ATP11C: variants seen among roughly 807,000 people sequenced by gnomAD.
ATP11C encodes phospholipid-transporting ATPase IG.
In ATP11C, 36 loss-of-function variants were observed where a neutral mutation model predicts 97.4. The observed-to-expected ratio is 0.37, with a 90% CI of 0.28 to 0.49. The LOEUF (loss-of-function observed/expected upper bound fraction) is 0.49, where lower values mean the gene tolerates loss of function less well. Among genes scored for constraint, ATP11C ranks in the 20% least tolerant of loss-of-function variants. ATP11C has a pLI of 0.98. For synonymous variants in ATP11C, 275 were observed against 290.9 expected, an observed-to-expected ratio of 0.95 and a Z score of 0.56; for missense variants, 730 against 824.6, an observed-to-expected ratio of 0.89 and a Z score of 1.40.
At chrX:139,831,384 A>C (rs2083646737) in intron 1 of ATP11C, among the ~76,000 whole-genome samples, 1 of 111,474 alleles carries the variant, frequency 9.0e-6, no homozygotes, top group African/African-American at 3.3e-5. Flanking sequence ...AATGGATATT[A>C]AGCCTCACAC....
chrX:139,853,833 CAAAAAAA>C (rs934664774), intron 1 of ATP11C, among the ~76,000 whole-genome samples: 8 of 21,267 alleles, frequency 3.8e-4, no homozygotes, highest in Admixed American at 7.7e-4. Flanking sequence ...TATCCTAAGT[CAAAAAAA>C]AAAAAAAAAA....
rs866359522 is a variant in ATP11C, at chrX:139,793,942, A to G, written c.1206+2331T>C. ...CCTAGCACACACACACATCCCAGAC[A>G]GTAAAAGGTGAATAACAGCTACTGG... On this transcript the variant is annotated intron_variant, in intron 12 of 29. Coordinates refer to ENST00000682941, the MANE Select transcript of ATP11C (RefSeq NM_001353812.2). Among the ~76,000 whole-genome samples, 4 of 112,047 alleles carry G rather than the reference A, an allele frequency of 3.6e-5. No homozygotes were observed. The Middle Eastern group carries it at 0.014, about 385-fold the overall frequency.
chrX:139,927,123 G>T (rs778048741), intron 1 of ATP11C, among the ~76,000 whole-genome samples: 1 of 112,000 alleles, frequency 8.9e-6, no homozygotes, highest in Non-Finnish European at 1.9e-5. Flanking sequence ...ATGCAATGCA[G>T]TTACCATGCC....
At chrX:139,747,172 G>T (rs1388600782) in intron 24 of ATP11C, among the ~76,000 whole-genome samples, 5 of 111,674 alleles carry the variant, frequency 4.5e-5, no homozygotes, top group African/African-American at 1.6e-4. Context: ...CACAGGTAAG[G>T]CACCTCCGTA....
chrX:139,930,553 G>C (rs754842910), intron 1 of ATP11C, among the ~76,000 whole-genome samples: 42 of 111,395 alleles, frequency 3.8e-4, no homozygotes, highest in African/African-American at 1.3e-3. Flanking sequence ...GAATCTATGT[G>C]AAACAGCTAT....
At chrX:139,797,888 A>G (rs908208913) in intron 10 of ATP11C, among the ~76,000 whole-genome samples, 3 of 111,725 alleles carry the variant, frequency 2.7e-5, no homozygotes, top group Non-Finnish European at 1.9e-5. Flanking sequence ...ACTATTATCT[A>G]TATTATAGAA....
chrX:139,926,118 C>T (rs2085347857), intron 1 of ATP11C, among the ~76,000 whole-genome samples: 1 of 110,477 alleles, frequency 9.1e-6, no homozygotes, highest in Admixed American at 9.8e-5. Flanking sequence ...TATACCAGGC[C>T]AAGAAGGTAA....
chrX:139,918,536 T>C (rs1330125602), intron 1 of ATP11C, among the ~76,000 whole-genome samples: 1 of 65,369 alleles, frequency 1.5e-5, no homozygotes, highest in Admixed American at 2.2e-4. Flanking sequence ...GCAGGAGAAT[T>C]GCTTGAACCC....
chrX:139,918,975 T>C (rs965483786), intron 1 of ATP11C, among the ~76,000 whole-genome samples: 1 of 112,053 alleles, frequency 8.9e-6, no homozygotes, highest in Non-Finnish European at 1.9e-5. Flanking sequence ...GTGCTGTGGC[T>C]CACACCTGTA....
At chrX:139,809,815 A>C (rs1420245742) in intron 5 of ATP11C, among the ~76,000 whole-genome samples, 1 of 110,394 alleles carries the variant, frequency 9.1e-6, no homozygotes, top group Non-Finnish European at 1.9e-5. Context: ...AATACAAAAA[A>C]ATTAGCCGGG....
chrX:139,764,957 C>T (rs1328204393), intron 20 of ATP11C, among the ~76,000 whole-genome samples: 1 of 111,956 alleles, frequency 8.9e-6, no homozygotes, highest in Non-Finnish European at 1.9e-5. Flanking sequence ...TAACTAAGTG[C>T]ACCTGTTATA....
At chrX:139,737,604 T>C in intron 28 of ATP11C, 1 of 176,962 alleles carries the variant, frequency 5.7e-6, no homozygotes, top group South Asian at 1.6e-4. Context: ...AAATTCCTGG[T>C]GTGAAAATTC....
intron 2 of ATP11C, among the ~76,000 whole-genome samples, chrX:139,822,043 T>C (rs1453764211): frequency 1.8e-5 from 2 of 111,272 alleles, no homozygotes; most frequent in Non-Finnish European, 3.8e-5. Context: ...GGTCAGTTGC[T>C]ACAAATCAAA....
chrX:139,729,270 C>G (rs180671388), intron 29 of ATP11C, among the ~76,000 whole-genome samples: 2 of 111,625 alleles, frequency 1.8e-5, no homozygotes, highest in Non-Finnish European at 3.8e-5. Context: ...TTGCTGTGAT[C>G]CCTTCTCCTC....
chrX:139,733,947 T>C (rs972801015), intron 28 of ATP11C, among the ~76,000 whole-genome samples: 5 of 111,364 alleles, frequency 4.5e-5, no homozygotes, highest in Non-Finnish European at 7.6e-5. Flanking sequence ...AAAAAATTGA[T>C]ATAGCTAGCA....
Position 139,775,529 on chromosome X carries a change from T to C in ATP11C, c.1953-576A>G, listed in dbSNP as rs867205431. 5.3e-5 allele frequency among the ~76,000 whole-genome samples: 6 copies of C among 112,346 alleles called. No homozygotes were observed. The Middle Eastern group carries it at 0.014, about 258-fold the overall frequency. Reference sequence around the variant, plus strand: ...ACTGTGGGAAGAGAGCCAGGACCTGTTGGAGAGCCCACAAGAGAAAGCTGG... The same window carrying C: ...ACTGTGGGAAGAGAGCCAGGACCTGCTGGAGAGCCCACAAGAGAAAGCTGG... On this transcript the variant is annotated intron_variant, in intron 18 of 29. Coordinates refer to ENST00000682941, the MANE Select transcript of ATP11C (RefSeq NM_001353812.2).
intron 21 of ATP11C, among the ~76,000 whole-genome samples, chrX:139,762,963 A>G (rs1338513551): frequency 8.9e-6 from 1 of 112,472 alleles, no homozygotes; most frequent in Non-Finnish European, 1.9e-5. Context: ...GTACAGCAAC[A>G]TAAGCAGGCA....
intron 1 of ATP11C, among the ~76,000 whole-genome samples, chrX:139,928,332 T>A (rs2085384490): frequency 9.0e-6 from 1 of 111,324 alleles, no homozygotes; most frequent in Admixed American, 9.6e-5. Context: ...AATACATACA[T>A]ACAGATATAT....
At chrX:139,811,009 T>G (rs771099817) in intron 5 of ATP11C, among the ~76,000 whole-genome samples, 1 of 111,576 alleles carries the variant, frequency 9.0e-6, no homozygotes, top group East Asian at 2.8e-4. Flanking sequence ...CTTTCATTCT[T>G]TGTAACCCTT....
Sources: allele counts gnomAD v4.1 joint callset (sites outside exome capture counted in the v4.1 genomes callset), GRCh38; gene constraint gnomAD v4.1.1; transcripts MANE v1.5; gene names NCBI Gene and HGNC (gene_info 2026-07-23, HGNC 2026-07-21).